IQUB: variants seen among roughly 807,000 people sequenced by gnomAD.
The protein encoded by IQUB is IQ motif and ubiquitin domain containing, also known as IQ motif and ubiquitin-like domain-containing protein.
Under a neutral mutation model 86.4 loss-of-function variants are expected in IQUB, and 86 were observed. That is an observed-to-expected ratio of 1.00 (90% CI 0.84 to 1.19). IQUB has a LOEUF of 1.19. IQUB is among the 50% of genes most tolerant of loss of function. The pLI is 0.00. For synonymous variants in IQUB, 289 were observed against 304.5 expected (o/e 0.95, Z 0.53); for missense variants, 946 against 916.9 (o/e 1.03, Z -0.41).
At chr7:123,509,621 A>T (rs1369195630) in intron 3 of IQUB, among the ~76,000 whole-genome samples, 4 of 152,164 alleles carry the variant, frequency 2.6e-5, no homozygotes, top group Non-Finnish European at 5.9e-5. Flanking sequence ...AAGCGTTTAC[A>T]CATTACATGG....
intron 7 of IQUB, among the ~76,000 whole-genome samples, chr7:123,487,967 T>C (rs1795278048): frequency 6.6e-6 from 1 of 152,138 alleles, no homozygotes; most frequent in Non-Finnish European, 1.5e-5. Context: ...AGTAACTATA[T>C]CATTAAACAG....
At chr7:123,506,557 G>A (rs977664337) in intron 3 of IQUB, among the ~76,000 whole-genome samples, 3 of 152,058 alleles carry the variant, frequency 2.0e-5, no homozygotes, top group African/African-American at 7.2e-5. Flanking sequence ...GAAGCAGGGG[G>A]AAGAGAGCAA....
chr7:123,453,479 G>A (rs1331971741), intron 12 of IQUB, among the ~76,000 whole-genome samples: 1 of 150,440 alleles, frequency 6.6e-6, no homozygotes, highest in Non-Finnish European at 1.5e-5. Flanking sequence ...CCTTTGAAAG[G>A]GACTTTTGAG....
chr7:123,467,903 G>A (rs1011913656), intron 9 of IQUB, among the ~76,000 whole-genome samples: 6 of 152,170 alleles, frequency 3.9e-5, no homozygotes, highest in African/African-American at 4.8e-5. Flanking sequence ...AAGACATAGC[G>A]CAAGTCCTAT....
At position 123,486,683 on chromosome 7, in the gene IQUB, T is replaced by C. The variant is rs145071823; in HGVS notation, c.1235-6713A>G. ...ACTATCATATTGAGTACTTAGGAAATATGAGACAGAATCTTGACTGTTTTA... is the reference window on the plus strand; with the variant it reads ...ACTATCATATTGAGTACTTAGGAAACATGAGACAGAATCTTGACTGTTTTA... On this transcript the variant is annotated intron_variant, in intron 7 of 12. Coordinates refer to ENST00000324698, the MANE Select transcript of IQUB (RefSeq NM_178827.5). Among the ~76,000 whole-genome samples the C allele has an allele frequency of 3.4e-3, 516 of 152,280 alleles. 3 individuals are homozygous for C. The highest frequency in any genetic ancestry group is 0.012 in the African/African-American group (485 of 41,560).
In IQUB at chr7:123,458,835, T is replaced by C. The variant is rs112353747; in HGVS notation, c.2008-1269A>G. 2.2e-3 allele frequency among the ~76,000 whole-genome samples: 335 copies of C among 152,136 alleles called. 2 individuals are homozygous for C. The highest frequency in any genetic ancestry group is 7.2e-3 in the African/African-American group (298 of 41,536). On this transcript the variant is annotated intron_variant, in intron 11 of 12. Transcript: ENST00000324698. Reference sequence around the variant, plus strand: ...TGCCTATTATATTAGGCAGTATTTGTATGCATTACAGATAAACGAGGTGAC... The same window carrying C: ...TGCCTATTATATTAGGCAGTATTTGCATGCATTACAGATAAACGAGGTGAC...
At chr7:123,485,623 G>C (rs1296349259) in intron 7 of IQUB, among the ~76,000 whole-genome samples, 4 of 152,126 alleles carry the variant, frequency 2.6e-5, no homozygotes, top group African/African-American at 7.2e-5. Context: ...TAAAATGAAA[G>C]GAGAATAGGA....
chr7:123,524,502 G>A (rs1797083471), intron 1 of IQUB, among the ~76,000 whole-genome samples: 1 of 148,970 alleles, frequency 6.7e-6, no homozygotes, highest in African/African-American at 2.4e-5. Flanking sequence ...TTGGCTCTCT[G>A]TCTGTTGTTG....
At chr7:123,458,866 C>T (rs1019055934) in intron 11 of IQUB, among the ~76,000 whole-genome samples, 1 of 151,868 alleles carries the variant, frequency 6.6e-6, no homozygotes, top group Non-Finnish European at 1.5e-5. Flanking sequence ...GTGACTAGTA[C>T]AACACTCAAA....
At chr7:123,460,399 C>T (rs570886992) in intron 11 of IQUB, among the ~76,000 whole-genome samples, 2 of 148,698 alleles carry the variant, frequency 1.3e-5, no homozygotes, top group African/African-American at 4.9e-5. Flanking sequence ...AAGCACATCA[C>T]ATTTGGTATC....
intron 8 of IQUB, among the ~76,000 whole-genome samples, chr7:123,474,513 C>A (rs1794666563): frequency 6.6e-6 from 1 of 152,108 alleles, no homozygotes; most frequent in Non-Finnish European, 1.5e-5. Flanking sequence ...TAAGTATTCA[C>A]ATCAAAAGAC....
At chr7:123,495,153 T>C (rs1026291200) in intron 7 of IQUB, among the ~76,000 whole-genome samples, 1 of 152,062 alleles carries the variant, frequency 6.6e-6, no homozygotes, top group African/African-American at 2.4e-5. Flanking sequence ...TAAGCAGTAT[T>C]TCCAGAGGAC....
chr7:123,514,891 C>G (rs1796573444), intron 1 of IQUB, among the ~76,000 whole-genome samples: 1 of 152,132 alleles, frequency 6.6e-6, no homozygotes, highest in Non-Finnish European at 1.5e-5. Context: ...AAAATAATGG[C>G]CTCCCATTCC....
chr7:123,477,719 T>C (rs1214636162), intron 8 of IQUB, among the ~76,000 whole-genome samples: 2 of 152,126 alleles, frequency 1.3e-5, no homozygotes, highest in Admixed American at 6.6e-5. Context: ...ATCCAGAATC[T>C]ACACAGAACT....
chr7:123,506,085 T>A (rs765598295), intron 3 of IQUB, among the ~76,000 whole-genome samples: 2 of 152,226 alleles, frequency 1.3e-5, no homozygotes, highest in Non-Finnish European at 2.9e-5. Flanking sequence ...GACACAGTGC[T>A]GCCGGGTGTC....
At chr7:123,516,440 T>C (rs1241195305) in intron 1 of IQUB, among the ~76,000 whole-genome samples, 1 of 152,190 alleles carries the variant, frequency 6.6e-6, no homozygotes, top group Non-Finnish European at 1.5e-5. Context: ...ATGTGTTTTA[T>C]GTGGCTTTCT....
chr7:123,528,662 A>G (rs1037385226), intron 1 of IQUB, among the ~76,000 whole-genome samples: 2 of 152,204 alleles, frequency 1.3e-5, no homozygotes, highest in African/African-American at 4.8e-5. Context: ...CCTGCAGATG[A>G]AAAAGCTAAG....
Position 123,498,303 on chromosome 7 carries a change from A to G in IQUB, c.1024-1397T>C, listed in dbSNP as rs183331830. On this transcript the variant is annotated intron_variant, in intron 6 of 12. Coordinates refer to ENST00000324698, the MANE Select transcript of IQUB (RefSeq NM_178827.5). ...CTCCTGGGTAAGCACAGCATTCTAT[A>G]TATTCATGAGCCCTCCAGATGATGC... Among the ~76,000 whole-genome samples, 19 of 152,282 alleles carry G rather than the reference A, an allele frequency of 1.2e-4. No individual in the cohort carries two copies. The East Asian group carries it at 3.7e-3, about 29-fold the overall frequency.
In IQUB at chr7:123,475,919, A is replaced by G. The variant is rs918648049; in HGVS notation, c.1410+3876T>C. ...GACTCCAGAGAAGTATGAATATTAT[A>G]GCTTTCCTACAGTAAATTCATCTTT... is the stretch of plus-strand genomic sequence containing the variant. On this transcript the variant is annotated intron_variant, in intron 8 of 12. Coordinates refer to ENST00000324698, the MANE Select transcript of IQUB (RefSeq NM_178827.5). 1.3e-5 allele frequency among the ~76,000 whole-genome samples: 2 copies of G among 152,240 alleles called. 1 individual carries two copies. The highest frequency in any genetic ancestry group is 1.3e-4 in the Admixed American group (2 of 15,276).
Sources: gnomAD v4.1 joint callset for allele counts (sites outside exome capture counted in the v4.1 genomes callset) on GRCh38, gnomAD v4.1.1 for gene constraint, MANE v1.5 for transcripts, NCBI Gene and HGNC (gene_info 2026-07-23, HGNC 2026-07-21) for gene names.